The following ROS1 variants were observed in gnomAD, a reference collection of about 807,000 sequenced individuals.
The protein encoded by ROS1 is proto-oncogene tyrosine-protein kinase ROS.
A neutral mutation model predicts 273.5 loss-of-function variants in ROS1; 263 were observed. The observed-to-expected ratio is 0.96, with a 90% CI of 0.87 to 1.06. ROS1 has a LOEUF of 1.06. Among genes scored for constraint, ROS1 ranks in the 50% least tolerant of loss-of-function variants. The probability of loss-of-function intolerance (pLI) is 0.00; values close to 1 mark genes in which losing one functional copy is unlikely to be tolerated. For missense variants in ROS1, 2,833 were observed against 2,751.1 expected, an observed-to-expected ratio of 1.03 and a Z score of -0.67; for synonymous variants, 1,008 against 954.1, an observed-to-expected ratio of 1.06 and a Z score of -1.04.
chr6:117,294,063 A>T (rs1360910632), intron 43 of ROS1, among the ~76,000 whole-genome samples: 2 of 152,170 alleles, frequency 1.3e-5, no homozygotes, highest in Admixed American at 6.5e-5. Context: ...AAACCATATG[A>T]TCATATCAGC....
intron 8 of ROS1, 43 bp from the exon 9 acceptor site, chr6:117,396,307 G>T (rs751330714): frequency 7.5e-7 from 1 of 1,325,434 alleles, no homozygotes; most frequent in Non-Finnish European, 1.1e-6. Context: ...CACATGGCAT[G>T]GTGTGAACAT....
At position 117,337,160 on chromosome 6, in the gene ROS1, G is replaced by A. The variant is rs781354234; in HGVS notation, c.5230+12C>T. On this transcript the variant is annotated intron_variant, in intron 32 of 43. Transcript: ENST00000368507. ...ACAGAGTTTTCTGAGTATTGAGTAT[G>A]TTAGTACTCACCTTTTGTCTTAAAG... The A allele has an allele frequency of 1.9e-6, 3 of 1,603,390 alleles. No homozygotes were observed. In the South Asian group the frequency reaches 3.3e-5, roughly 18 times the overall value.
intron 43 of ROS1, among the ~76,000 whole-genome samples, chr6:117,294,028 A>G (rs1214154184): frequency 6.6e-6 from 1 of 152,016 alleles, no homozygotes; most frequent in Non-Finnish European, 1.5e-5. Context: ...CACATGATAC[A>G]TTACATCAAC....
intron 36 of ROS1, among the ~76,000 whole-genome samples, chr6:117,320,781 C>T (rs1297827036): frequency 6.6e-6 from 1 of 152,070 alleles, no homozygotes; most frequent in Non-Finnish European, 1.5e-5. Context: ...TTGCATAAGA[C>T]ACTTGAATAT....
At chr6:117,336,220 A>T (rs896531396) in intron 32 of ROS1, among the ~76,000 whole-genome samples, 1 of 152,046 alleles carries the variant, frequency 6.6e-6, no homozygotes, top group African/African-American at 2.4e-5. Flanking sequence ...GGTTTGTTAC[A>T]TGGGTAAACA....
chr6:117,288,891 C>A, intron 43 of ROS1, 89 bp from the exon 44 acceptor site: 2 of 1,006,210 alleles, frequency 2.0e-6, no homozygotes, highest in Non-Finnish European at 1.4e-6. Flanking sequence ...ATAGCAACAC[C>A]AACTTTACAC....
chr6:117,301,283 A>T (rs1774705211), intron 42 of ROS1, 146 bp from the exon 43 acceptor site: 10 of 629,926 alleles, frequency 1.6e-5, no homozygotes, highest in Non-Finnish European at 2.6e-5. Context: ...AAAGGCTTTG[A>T]TTTCTTATTT....
At position 117,409,595 on chromosome 6, in the gene ROS1, T is replaced by C. The variant is rs1774733466; in HGVS notation, c.303A>G (p.Glu101=). Residue 101 remains glutamate, a synonymous_variant, in exon 5 of 44, where the codon GAA becomes GAG. Coordinates refer to ENST00000368507, the MANE Select transcript of ROS1 (RefSeq NM_001378902.1). ...VGCSSAEGAY[E]EEVLENADLP... is the part of the protein sequence containing the mutation. ...GTGTCCTCTTACCCAGTACTTCCTC[T>C]TCATATGCACCTTCCGCGCTGCTAC... is the stretch of plus-strand genomic sequence containing the variant. 1 of 1,613,796 alleles carries C rather than the reference T, an allele frequency of 6.2e-7. No homozygotes were observed. Among genetic ancestry groups the C allele is most frequent in the Non-Finnish European group, 8.5e-7 (1 of 1,179,764 alleles).
chr6:117,325,489 A>G (rs1469465298), intron 34 of ROS1, among the ~76,000 whole-genome samples: 2 of 152,166 alleles, frequency 1.3e-5, no homozygotes. Context: ...ACATGCCACA[A>G]AGAAGTTTGT....
At chr6:117,381,250 AG>A (rs1772114264) in intron 17 of ROS1, among the ~76,000 whole-genome samples, 1 of 148,780 alleles carries the variant, frequency 6.7e-6, no homozygotes, top group African/African-American at 2.5e-5. Context: ...TAACTTCAAT[AG>A]CTTTTTGGGG....
chr6:117,385,273 G>A (rs916797179), intron 16 of ROS1, among the ~76,000 whole-genome samples: 3 of 152,214 alleles, frequency 2.0e-5, no homozygotes, highest in African/African-American at 7.2e-5. Context: ...AGTGAGATGA[G>A]GCCGGGAGCG....
intron 13 of ROS1, 83 bp from the exon 14 acceptor site, chr6:117,388,075 A>C (rs1772742987): frequency 1.3e-6 from 2 of 1,590,418 alleles, no homozygotes; most frequent in South Asian, 2.3e-5. Context: ...ATTCACCTAC[A>C]GCCTCATCTC....
chr6:117,412,289 C>T (rs9385013), intron 4 of ROS1, among the ~76,000 whole-genome samples: 81,162 of 151,462 alleles, frequency 0.54, 22,447 homozygotes, highest in African/African-American at 0.67. Context: ...CTATTTTATA[C>T]TACATATATA....
intron 7 of ROS1, among the ~76,000 whole-genome samples, chr6:117,401,803 TAAAA>T (rs35593860): frequency 5.6e-5 from 5 of 89,156 alleles, no homozygotes; most frequent in African/African-American, 1.8e-4. Context: ...AACTTTTCAG[TAAAA>T]AAAAAAAAAA....
rs1316504595 is a variant in ROS1, at chr6:117,344,135, A to G, written c.4431T>C (p.Pro1477=). The G allele has an allele frequency of 2.5e-6, 4 of 1,613,984 alleles. No homozygotes were observed. Among genetic ancestry groups the G allele is most frequent in the Non-Finnish European group, 2.5e-6 (3 of 1,179,908 alleles). ...CATAATAAACCAGGTATGTTGGAGT[A>G]GGGCTGGTGATGCCATACCATGTGA... is the stretch of plus-strand genomic sequence containing the variant. ...TNLTWYGITS[P]TPTYLVYYAE... Residue 1477 remains proline (P), a synonymous_variant, in exon 28 of 44, where the codon CCT becomes CCC. Transcript: ENST00000368507.
At position 117,365,753 on chromosome 6, in the gene ROS1, A is replaced by C. The variant is rs1780161688; in HGVS notation, c.2798-12T>G. 1 of 1,526,692 alleles carries C rather than the reference A, an allele frequency of 6.6e-7. No homozygotes were observed. The highest frequency in any genetic ancestry group is 1.8e-4 in the Middle Eastern group (1 of 5,672). 94.6% of individuals were successfully genotyped at this position (1,526,692 alleles called of 1,614,324 possible). ...AAAGGAAAAGTTCCCTACAGGATGA[A>C]ACAAAAAAAAGAAATAGGAGAAAAA... On this transcript the variant is annotated splice_polypyrimidine_tract_variant and intron_variant, in intron 19 of 43. Transcript: ENST00000368507.
In ROS1 at chr6:117,359,948, T is replaced by G; in HGVS notation, c.3494A>C (p.Asp1165Ala). The G allele has an allele frequency of 1.2e-6, 2 of 1,613,908 alleles. No homozygotes were observed. The highest frequency in any genetic ancestry group is 1.7e-6 in the Non-Finnish European group (2 of 1,179,874). ...LGNKIVFLDM[D>A]QNQVVWTFSA... is the part of the protein sequence containing the mutation. ...AAACGTCCACACAACTTGATTTTGA[T>G]CCATATCTAAAAAAACTATCTTGTT... Residue 1165 changes from aspartate to alanine, a missense_variant, in exon 24 of 44, where the codon GAT (aspartate) becomes GCT (alanine). By Grantham distance (126) the Asp-to-Ala change is moderately radical. Transcript: ENST00000368507.
At chr6:117,416,046 G>A (rs905194994) in intron 3 of ROS1, among the ~76,000 whole-genome samples, 5 of 152,134 alleles carry the variant, frequency 3.3e-5, no homozygotes, top group East Asian at 1.9e-4. Context: ...ATAACCTTCC[G>A]TGACCTCTAG....
chr6:117,425,531 TAC>T lies in ROS1; in HGVS notation c.123+1_123+2del. ...AAGACAAATATTAGATTGTGAGACT[TAC>T]CAGATTAGTTACACACGACTTTAGG... On this transcript the variant is annotated splice_donor_variant, in intron 1 of 43. Coordinates refer to ENST00000368507, the MANE Select transcript of ROS1 (RefSeq NM_001378902.1). LOFTEE classifies it high-confidence loss of function. The T allele has an allele frequency of 1.3e-6, 2 of 1,590,258 alleles. No homozygotes were observed. The highest frequency in any genetic ancestry group is 2.3e-5 in the South Asian group (2 of 85,312).
Sources: allele counts gnomAD v4.1 joint callset (sites outside exome capture counted in the v4.1 genomes callset), GRCh38; gene constraint gnomAD v4.1.1; transcripts MANE v1.5; gene names NCBI Gene and HGNC (gene_info 2026-07-23, HGNC 2026-07-21).